TDRD7: variants seen among roughly 807,000 people sequenced by gnomAD.
TDRD7 encodes tudor domain containing 7, also known as tudor domain-containing protein 7.
TDRD7 carries 47 observed loss-of-function variants against 109.8 expected under a neutral mutation model. The ratio of observed to expected loss-of-function variants is 0.43; its 90% confidence interval spans 0.34 to 0.55. The LOEUF (loss-of-function observed/expected upper bound fraction) is 0.55, where lower values mean the gene tolerates loss of function less well. TDRD7 is among the 20% of genes least tolerant of loss of function. The pLI is 0.03. For synonymous variants in TDRD7, 424 were observed against 457.3 expected, an observed-to-expected ratio of 0.93 and a Z score of 0.93; for missense variants, 1,164 against 1,319.2, an observed-to-expected ratio of 0.88 and a Z score of 1.82.
chr9:97,415,481 A>C (rs1054595608), intron 1 of TDRD7, among the ~76,000 whole-genome samples: 4 of 152,232 alleles, frequency 2.6e-5, no homozygotes, highest in African/African-American at 9.6e-5. Flanking sequence ...GTGAATTTAC[A>C]AAATGCAGTT....
chr9:97,414,193 A>G (rs996011268), intron 1 of TDRD7, among the ~76,000 whole-genome samples: 1 of 152,194 alleles, frequency 6.6e-6, no homozygotes, highest in Admixed American at 6.5e-5. Context: ...GTACTTTTGA[A>G]AGCTTCATTC....
At chr9:97,465,497 G>A (rs1166669371) in intron 8 of TDRD7, among the ~76,000 whole-genome samples, 1 of 152,150 alleles carries the variant, frequency 6.6e-6, no homozygotes, top group Non-Finnish European at 1.5e-5. Context: ...AAGGCCAGTG[G>A]GCCCGTTTGC....
At chr9:97,475,305 G>A (rs1218880838) in intron 11 of TDRD7, 78 bp from the exon 12 acceptor site, 1 of 1,150,174 alleles carries the variant, frequency 8.7e-7, no homozygotes, top group Admixed American at 1.8e-5. Flanking sequence ...CAGTGCCACA[G>A]CGATCTGTTT....
intron 14 of TDRD7, among the ~76,000 whole-genome samples, chr9:97,482,323 A>G (rs964004644): frequency 1.3e-5 from 2 of 152,252 alleles, no homozygotes; most frequent in African/African-American, 4.8e-5. Context: ...CCAGACAAGG[A>G]ATTTGAAAGA....
chr9:97,416,136 A>T (rs183201904), intron 1 of TDRD7, among the ~76,000 whole-genome samples: 28 of 152,368 alleles, frequency 1.8e-4, no homozygotes, highest in Admixed American at 1.1e-3. Flanking sequence ...GGAGACCCAC[A>T]GTCTTATACT....
At chr9:97,438,801 C>CTG in intron 4 of TDRD7, among the ~76,000 whole-genome samples, 1 of 152,132 alleles carries the variant, frequency 6.6e-6, no homozygotes, top group East Asian at 1.9e-4. Context: ...TCTAAGTTCT[C>CTG]TACCATTTTA....
At chr9:97,459,296 T>C (rs1295678888) in intron 6 of TDRD7, among the ~76,000 whole-genome samples, 1 of 152,216 alleles carries the variant, frequency 6.6e-6, no homozygotes, top group Non-Finnish European at 1.5e-5. Context: ...TAAAACTTTA[T>C]GTATATTGAG....
At chr9:97,419,487 C>G (rs732689) in intron 1 of TDRD7, among the ~76,000 whole-genome samples, 11,135 of 152,252 alleles carry the variant, frequency 0.073, 652 homozygotes, top group African/African-American at 0.17. Context: ...CTATTCAGGA[C>G]CCAAAATTCA....
Position 97,421,233 on chromosome 9 carries a change from A to G in TDRD7, c.-6-7227A>G, listed in dbSNP as rs1326336591. The stretch of plus-strand genomic sequence containing the variant: ...AGAGTTCTAAATGCTCTGCTTTCTC[A>G]TCAGCACTTCGTATTGTCAGTTTTT... On this transcript the variant is annotated intron_variant, in intron 1 of 16. Coordinates refer to ENST00000355295, the MANE Select transcript of TDRD7 (RefSeq NM_014290.3). Among the ~76,000 whole-genome samples, 3 of 152,200 alleles carry G rather than the reference A, an allele frequency of 2.0e-5. No homozygotes were observed. In the East Asian group the frequency reaches 5.8e-4, roughly 29 times the overall value.
rs1828955673 is a variant in TDRD7, at chr9:97,473,420, AG to A, written c.1945-71del. On this transcript the variant is annotated intron_variant, in intron 10 of 16. Transcript: ENST00000355295. ...AAGACTTGTTATGGGATGTTTAGGT[AG>A]ATACCCTTTAGGTAGGTAAGAGCTG... 2.5e-6 allele frequency: 4 copies of A among 1,596,542 alleles called. No individual in the cohort carries two copies. In the East Asian group the frequency reaches 8.9e-5, roughly 36 times the overall value.
At position 97,470,421 on chromosome 9, in the gene TDRD7, C is replaced by T. The variant is rs1000675456; in HGVS notation, c.1630-137C>T. On this transcript the variant is annotated intron_variant, in intron 8 of 16. Transcript: ENST00000355295. The stretch of plus-strand genomic sequence containing the variant: ...TCTCTTCTGTGGTAAGTCAGGGGCA[C>T]CTCCCCAGCTTTTTCCAGGTGCCAC... The T allele has an allele frequency of 7.8e-6, 6 of 765,926 alleles. No individual in the cohort carries two copies. The East Asian group carries it at 8.1e-5, about 10-fold the overall frequency. 47.4% of individuals were successfully genotyped at this position (765,926 alleles called of 1,614,324 possible).
chr9:97,425,034 G>A (rs1247395741), intron 1 of TDRD7, among the ~76,000 whole-genome samples: 1 of 151,996 alleles, frequency 6.6e-6, no homozygotes, highest in Non-Finnish European at 1.5e-5. Flanking sequence ...AGCGCCTCAT[G>A]TGTAGTGTAA....
intron 2 of TDRD7, 87 bp downstream of exon 2, chr9:97,428,759 G>T: frequency 1.6e-6 from 2 of 1,279,404 alleles, no homozygotes; most frequent in Non-Finnish European, 2.2e-6. Flanking sequence ...TGTGATAGAC[G>T]TCTAAGTGAA....
intron 16 of TDRD7, among the ~76,000 whole-genome samples, chr9:97,487,667 G>A (rs187573540): frequency 7.9e-5 from 12 of 151,550 alleles, no homozygotes; most frequent in Non-Finnish European, 1.8e-4. Context: ...TTTCTGGGTG[G>A]TTTTATGGTT....
chr9:97,439,212 T>G, intron 4 of TDRD7, 33 bp from the exon 5 acceptor site: 1 of 1,516,076 alleles, frequency 6.6e-7, no homozygotes, highest in Non-Finnish European at 8.9e-7. Flanking sequence ...GTTATTTACA[T>G]TTATTTTACT....
chr9:97,432,802 T>C (rs1339604679), intron 4 of TDRD7, among the ~76,000 whole-genome samples: 1 of 152,226 alleles, frequency 6.6e-6, no homozygotes, highest in Non-Finnish European at 1.5e-5. Context: ...AGTTCCTTTC[T>C]GGTTCAAAAC....
intron 6 of TDRD7, among the ~76,000 whole-genome samples, chr9:97,445,697 C>T (rs1326808432): frequency 6.6e-6 from 1 of 152,118 alleles, no homozygotes; most frequent in Non-Finnish European, 1.5e-5. Context: ...GAGAGTTGCT[C>T]AGGAAGAAGC....
chr9:97,445,250 A>G (rs1828380762), intron 6 of TDRD7, among the ~76,000 whole-genome samples: 1 of 151,282 alleles, frequency 6.6e-6, no homozygotes, highest in Non-Finnish European at 1.5e-5. Flanking sequence ...CTAGAGCAGT[A>G]GTCTTGTTAA....
intron 1 of TDRD7, among the ~76,000 whole-genome samples, chr9:97,415,139 A>G (rs1162172536): frequency 1.3e-5 from 2 of 152,228 alleles, no homozygotes; most frequent in African/African-American, 4.8e-5. Flanking sequence ...AGTTTACCCT[A>G]ATAATTCTTC....
Sources: gnomAD v4.1 joint callset for allele counts (sites outside exome capture counted in the v4.1 genomes callset) on GRCh38, gnomAD v4.1.1 for gene constraint, MANE v1.5 for transcripts, NCBI Gene and HGNC (gene_info 2026-07-23, HGNC 2026-07-21) for gene names.